DNAI2: variants seen among roughly 807,000 people sequenced by gnomAD.
The protein encoded by DNAI2 is dynein axonemal intermediate chain 2.
In DNAI2, 63 loss-of-function variants were observed where a neutral mutation model predicts 74.7. The ratio of observed to expected loss-of-function variants is 0.84; its 90% CI spans 0.69 to 1.04. The LOEUF (loss-of-function observed/expected upper bound fraction) is 1.04, where lower values mean the gene tolerates loss of function less well. Ranked by LOEUF, DNAI2 falls within the 50% of genes least tolerant of loss-of-function variation. The pLI, the probability that DNAI2 is intolerant of heterozygous loss-of-function variation, is 0.00. For missense variants in DNAI2, 688 were observed against 803.2 expected, an observed-to-expected ratio of 0.86 and a Z score of 1.73; for synonymous variants, 289 against 314.9, an observed-to-expected ratio of 0.92 and a Z score of 0.87.
At chr17:74,295,058 T>C (rs961611226) in intron 6 of DNAI2, among the ~76,000 whole-genome samples, 9 of 152,126 alleles carry the variant, frequency 5.9e-5, no homozygotes, top group Non-Finnish European at 1.3e-4. Flanking sequence ...TTTATTTTGG[T>C]TAATGACTCC....
intron 11 of DNAI2, 109 bp from the exon 12 acceptor site, chr17:74,311,894 G>A: frequency 1.9e-6 from 2 of 1,028,640 alleles, no homozygotes. Context: ...TACAGGGACT[G>A]TATGGAGAGC....
intron 12 of DNAI2, 64 bp from the exon 13 acceptor site, chr17:74,314,057 C>T: frequency 6.2e-7 from 1 of 1,611,612 alleles, no homozygotes; most frequent in Non-Finnish European, 8.5e-7. Flanking sequence ...GTTCACATCC[C>T]AGGGGAGTGG....
At chr17:74,277,799 G>C (rs1035526917) in intron 1 of DNAI2, among the ~76,000 whole-genome samples, 1 of 152,286 alleles carries the variant, frequency 6.6e-6, no homozygotes, top group Non-Finnish European at 1.5e-5. Context: ...TTGCAGGAGA[G>C]AGGCCTGGGA....
intron 4 of DNAI2, among the ~76,000 whole-genome samples, chr17:74,288,686 G>A (rs1259017312): frequency 2.6e-5 from 4 of 152,190 alleles, no homozygotes; most frequent in Admixed American, 2.6e-4. Context: ...GAACAGGGAT[G>A]GGGAGAAGCC....
rs1056579947 is a variant in DNAI2 at position 74,300,894 on chromosome 17, C to A, written c.865-152C>A. Reference sequence around the variant, plus strand: ...TGGGAACTGTGGACAGAACAGCAATCCTCAAAGTGTATTTGCTCCCACGAA... The same window carrying A: ...TGGGAACTGTGGACAGAACAGCAATACTCAAAGTGTATTTGCTCCCACGAA... On this transcript the variant is annotated intron_variant, in intron 7 of 13. Transcript: ENST00000311014. The surrounding 1 kb of genome is among the most constrained non-coding windows in gnomAD (Gnocchi z 4.5). 3 of 1,064,150 alleles carry A rather than the reference C, an allele frequency of 2.8e-6. No homozygotes were observed. The highest frequency in any genetic ancestry group is 4.2e-6 in the Non-Finnish European group (3 of 715,532). The allele number at this position is 1,064,150 out of a possible 1,614,324, so 65.9% of individuals were successfully genotyped here.
intron 2 of DNAI2, 137 bp from the exon 3 acceptor site, chr17:74,284,903 T>C (rs2051616726): frequency 8.9e-7 from 1 of 1,119,774 alleles, no homozygotes; most frequent in East Asian, 2.4e-5. Context: ...TTGCCTGCAT[T>C]TGAAAATACT....
At chr17:74,312,260 T>TGGGGTGGTTG in intron 12 of DNAI2, 30 bp downstream of exon 12, 4 of 424,128 alleles carry the variant, frequency 9.4e-6, no homozygotes, top group East Asian at 6.1e-5. Context: ...TTGGGTGGGT[T>TGGGGTGGTTG]GGGGACTGGG....
At chr17:74,292,968 T>C (rs999921158) in intron 6 of DNAI2, among the ~76,000 whole-genome samples, 3 of 152,116 alleles carry the variant, frequency 2.0e-5, no homozygotes, top group Non-Finnish European at 4.4e-5. Context: ...TAGCTGGGAC[T>C]ACAGGTGCCT....
chr17:74,282,831 A>T (rs2051474228), intron 2 of DNAI2, among the ~76,000 whole-genome samples: 1 of 152,204 alleles, frequency 6.6e-6, no homozygotes, highest in African/African-American at 2.4e-5. Context: ...TAACGAAATC[A>T]CTTGATTTGG....
At chr17:74,276,841 TA>T (rs2051109338) in intron 1 of DNAI2, among the ~76,000 whole-genome samples, 1 of 152,194 alleles carries the variant, frequency 6.6e-6, no homozygotes, top group African/African-American at 2.4e-5. Flanking sequence ...CAATTTCTTT[TA>T]AAAGTCAGAG....
chr17:74,282,870 G>A (rs1442218211), intron 2 of DNAI2, among the ~76,000 whole-genome samples: 1 of 152,210 alleles, frequency 6.6e-6, no homozygotes, highest in Non-Finnish European at 1.5e-5. Context: ...TCAGGTGGGT[G>A]TGGGTGGTTT....
Position 74,310,053 on chromosome 17 carries a change from G to A in DNAI2, c.1384G>A (p.Asp462Asn). 6.2e-7 allele frequency: 1 copy of A among 1,613,892 alleles called. No homozygotes were observed. Among genetic ancestry groups the A allele is most frequent in the South Asian group, 1.1e-5 (1 of 91,084 alleles). Reference sequence around the variant, plus strand: ...GGCCCTCTTCTGCCTCCGGGTGCAGGACAATGGGTGTCTCATCGCCTGCGG... The same window carrying A: ...GGCCCTCTTCTGCCTCCGGGTGCAGAACAATGGGTGTCTCATCGCCTGCGG... Reference protein sequence around the residue: ...DEALFCLRVQDNGCLIACGSQ... With the variant: ...DEALFCLRVQNNGCLIACGSQ... Residue 462 changes from aspartate (D) to asparagine (N), a missense_variant, in exon 11 of 14, where the codon GAC (aspartate) becomes AAC (asparagine). Asp to Asn is a conservative substitution (Grantham distance 23). Transcript: ENST00000311014.
intron 1 of DNAI2, among the ~76,000 whole-genome samples, chr17:74,280,956 T>C (rs1219414895): frequency 6.6e-6 from 1 of 151,564 alleles, no homozygotes; most frequent in Non-Finnish European, 1.5e-5. Flanking sequence ...GGCATGGTAC[T>C]GCACACCTGT....
chr17:74,302,567 CA>C (rs369371635), intron 8 of DNAI2, among the ~76,000 whole-genome samples: 9 of 144,930 alleles, frequency 6.2e-5, no homozygotes, highest in East Asian at 6.0e-4. Context: ...AACTCCATCT[CA>C]AAAAAAAAAC....
At chr17:74,275,443 A>C (rs1349365259) in intron 1 of DNAI2, among the ~76,000 whole-genome samples, 1 of 152,110 alleles carries the variant, frequency 6.6e-6, no homozygotes, top group Non-Finnish European at 1.5e-5. Flanking sequence ...AAGAGAAAGA[A>C]AGCTGGGTGC....
intron 6 of DNAI2, among the ~76,000 whole-genome samples, chr17:74,298,961 C>T (rs1348864037): frequency 6.6e-6 from 1 of 152,150 alleles, no homozygotes; most frequent in Non-Finnish European, 1.5e-5. Flanking sequence ...TCTGGGCCAG[C>T]TGAGTTCAGG....
At chr17:74,274,504 C>T (rs778315009) in intron 1 of DNAI2, among the ~76,000 whole-genome samples, 159 bp downstream of exon 1, 21 of 152,208 alleles carry the variant, frequency 1.4e-4, no homozygotes, top group Non-Finnish European at 1.6e-4. Context: ...CCAGGACTAG[C>T]GCTCCTAGTG....
At chr17:74,276,356 T>C (rs1241072071) in intron 1 of DNAI2, among the ~76,000 whole-genome samples, 1 of 152,148 alleles carries the variant, frequency 6.6e-6, no homozygotes, top group African/African-American at 2.4e-5. Flanking sequence ...TTCACGCCTC[T>C]GGGACTCTAG....
chr17:74,286,126 T>A (rs1468083173), intron 3 of DNAI2, among the ~76,000 whole-genome samples: 1 of 151,226 alleles, frequency 6.6e-6, no homozygotes, highest in Admixed American at 6.6e-5. Flanking sequence ...CAAAACCCCA[T>A]CTCTACTAAA....
Sources: gnomAD v4.1 joint callset for allele counts (sites outside exome capture counted in the v4.1 genomes callset) on GRCh38, gnomAD v4.1.1 for gene constraint, Gnocchi (gnomAD v3.1) non-coding constraint, MANE v1.5 for transcripts, NCBI Gene and HGNC (gene_info 2026-07-23, HGNC 2026-07-21) for gene names.